Variants in CCDC30 observed in about 807,000 individuals in gnomAD.
CCDC30 encodes coiled-coil domain containing 30, also known as coiled-coil domain-containing protein 30.
CCDC30 carries 70 observed loss-of-function variants against 100.2 expected under a neutral mutation model. The observed-to-expected ratio is 0.70, with a 90% CI of 0.58 to 0.85. CCDC30 has a LOEUF of 0.85. Ranked by LOEUF, CCDC30 falls within the 40% of genes least tolerant of loss-of-function variation. The pLI is 0.00. For missense variants in CCDC30, 652 were observed against 771.2 expected, an observed-to-expected ratio of 0.85 and a Z score of 1.83; for synonymous variants, 233 against 269.5, an observed-to-expected ratio of 0.86 and a Z score of 1.33.
At chr1:42,644,525 A>C in intron 13 of CCDC30, among the ~76,000 whole-genome samples, 168 bp from the exon 18 acceptor site, 1 of 152,196 alleles carries the variant, frequency 6.6e-6, no homozygotes, top group Non-Finnish European at 1.5e-5. Context: ...TCAGTATTAA[A>C]CAACACACTT....
intron 1 of CCDC30, among the ~76,000 whole-genome samples, chr1:42,464,658 C>A (rs1452037725): frequency 1.3e-5 from 2 of 152,322 alleles, no homozygotes; most frequent in South Asian, 2.1e-4. Context: ...TAATTTAGAT[C>A]CAGTGCAATT....
chr1:42,464,664 C>A (rs966908112), intron 1 of CCDC30, among the ~76,000 whole-genome samples: 1 of 152,170 alleles, frequency 6.6e-6, no homozygotes, highest in Non-Finnish European at 1.5e-5. Context: ...AGATCCAGTG[C>A]AATTTTATTT....
intron 2 of CCDC30, 37 bp from the exon 3 acceptor site, chr1:42,482,626 G>C (rs899746043): frequency 2.6e-5 from 31 of 1,191,204 alleles, no homozygotes; most frequent in Non-Finnish European, 3.3e-5. Context: ...GAGTACATTT[G>C]CTCTTTGTTT....
intron 6 of CCDC30, among the ~76,000 whole-genome samples, chr1:42,560,056 G>T (rs969952870): frequency 7.9e-5 from 12 of 151,974 alleles, no homozygotes; most frequent in Admixed American, 7.9e-4. Context: ...GTAAATAATG[G>T]AATTAAAGCA....
intron 6 of CCDC30, chr1:42,521,122 C>G (rs1473831060): frequency 6.8e-6 from 1 of 147,988 alleles, no homozygotes; most frequent in Admixed American, 6.8e-5. Context: ...TACAGGCGCC[C>G]GCCACCACGA....
chr1:42,621,636 G>C (rs923260721), intron 11 of CCDC30, among the ~76,000 whole-genome samples: 2 of 150,996 alleles, frequency 1.3e-5, no homozygotes, highest in Non-Finnish European at 3.0e-5. Flanking sequence ...CTCAGCCTCC[G>C]GAGTAGCTAG....
intron 8 of CCDC30, among the ~76,000 whole-genome samples, chr1:42,580,615 G>A (rs536807270): frequency 1.3e-5 from 2 of 152,276 alleles, no homozygotes; most frequent in South Asian, 2.1e-4. Flanking sequence ...TTTAAAAAAT[G>A]TGGGGGTTTT....
chr1:42,639,174 T>C (rs1647229566), intron 12 of CCDC30, among the ~76,000 whole-genome samples: 1 of 152,142 alleles, frequency 6.6e-6, no homozygotes, highest in Admixed American at 6.5e-5. Context: ...TAAGTGAGAT[T>C]ATCCTGGATT....
chr1:42,612,866 G>A (rs1646652154), intron 11 of CCDC30, among the ~76,000 whole-genome samples: 1 of 152,124 alleles, frequency 6.6e-6, no homozygotes. Context: ...ATTTGGTTAA[G>A]AATTACTCAC....
exon 11 of CCDC30, chr1:42,611,045 G>C: frequency 6.2e-7 from 1 of 1,612,928 alleles, no homozygotes; most frequent in South Asian, 1.1e-5. Context: ...GAAGCTCTAC[G>C]TGAAGAATAT....
At chr1:42,487,110 CAAAAAAAAA>C (rs58763328) in intron 3 of CCDC30, among the ~76,000 whole-genome samples, 2 of 91,108 alleles carry the variant, frequency 2.2e-5, no homozygotes, top group African/African-American at 4.0e-5. Context: ...TGCCCTGTCT[CAAAAAAAAA>C]AAAAAAAAAA....
At chr1:42,643,585 A>G (rs996653958) in intron 13 of CCDC30, among the ~76,000 whole-genome samples, 1 of 152,144 alleles carries the variant, frequency 6.6e-6, no homozygotes, top group Non-Finnish European at 1.5e-5. Flanking sequence ...TCATATTTCT[A>G]TCTTGCCCTA....
chr1:42,610,852 A>C (rs1646605622), intron 10 of CCDC30, 126 bp from the exon 15 acceptor site: 2 of 543,280 alleles, frequency 3.7e-6, no homozygotes, highest in Non-Finnish European at 3.2e-6. Flanking sequence ...CCGTGAAGCT[A>C]CTATGATCTC....
intron 6 of CCDC30, among the ~76,000 whole-genome samples, chr1:42,524,094 G>T (rs1256709649): frequency 1.4e-5 from 2 of 147,456 alleles, no homozygotes; most frequent in African/African-American, 5.0e-5. Flanking sequence ...AGTTTCTGTT[G>T]GTTTTGTTTT....
chr1:42,581,429 A>C lies in CCDC30; in HGVS notation c.916A>C (p.Lys306Gln). 1 of 1,613,878 alleles carries C rather than the reference A, an allele frequency of 6.2e-7. No homozygotes were observed. Among genetic ancestry groups the C allele is most frequent in the Non-Finnish European group, 8.5e-7 (1 of 1,179,800 alleles). The change falls in exon 9 of 17, where the codon AAG (lysine) becomes CAG (glutamine). Residue 306 changes from lysine to glutamine, a missense_variant. Transcript: ENST00000668663. ...TCTCACAGACACTTGTATTTCAGAG[A>C]AGCAGCAGCTAGAGGAAAAGATAAA...
At chr1:42,473,434 T>A (rs1335912417) in intron 1 of CCDC30, 1 of 438,842 alleles carries the variant, frequency 2.3e-6, no homozygotes, top group African/African-American at 2.1e-5. Context: ...TGTAGACCTT[T>A]TTTTTTTTCT....
intron 1 of CCDC30, among the ~76,000 whole-genome samples, chr1:42,476,043 A>G (rs928327249): frequency 2.6e-5 from 4 of 152,234 alleles, no homozygotes; most frequent in African/African-American, 7.2e-5. Context: ...TGGACAGACA[A>G]TAGTAAGCTG....
intron 1 of CCDC30, among the ~76,000 whole-genome samples, chr1:42,464,767 C>T (rs1353850117): frequency 6.6e-6 from 1 of 152,136 alleles, no homozygotes. Context: ...TAAAAGTAAA[C>T]CTATTTTGAG....
chr1:42,569,369 T>TG (rs2148570302), intron 7 of CCDC30, among the ~76,000 whole-genome samples: 1 of 152,080 alleles, frequency 6.6e-6, no homozygotes, highest in South Asian at 2.1e-4. Context: ...AGCAAACATA[T>TG]GAAAAAAAGC....
Sources: gnomAD v4.1 joint callset for allele counts (sites outside exome capture counted in the v4.1 genomes callset) on GRCh38, gnomAD v4.1.1 for gene constraint, MANE v1.5 for transcripts, NCBI Gene and HGNC (gene_info 2026-07-23, HGNC 2026-07-21) for gene names.